ZMYM5: variants seen among roughly 807,000 people sequenced by gnomAD.
ZMYM5 encodes the protein zinc finger MYM-type protein 5.
In ZMYM5, 41 loss-of-function variants were observed where a neutral mutation model predicts 61.8. That is an observed-to-expected ratio of 0.66 (90% CI 0.52 to 0.86). The LOEUF is 0.86. Among genes scored for constraint, ZMYM5 ranks in the 40% least tolerant of loss-of-function variants. ZMYM5 has a pLI of 0.00. For missense variants in ZMYM5, 706 were observed against 786.7 expected, an observed-to-expected ratio of 0.90 and a Z score of 1.23; for synonymous variants, 257 against 276.4, an observed-to-expected ratio of 0.93 and a Z score of 0.70.
At chr13:19,838,643 CTTAT>C in intron 5 of ZMYM5, 53 bp downstream of exon 5, 1 of 1,578,890 alleles carries the variant, frequency 6.3e-7, no homozygotes, top group Non-Finnish European at 8.7e-7. Flanking sequence ...ATATTGAGTA[CTTAT>C]TTATACCATT....
chr13:19,837,677 T>C lies in ZMYM5; in HGVS notation c.1017A>G (p.Thr339=). ...KKGVFNKSRC[T]ICSKLAEIRH... ...AGACCTCTGCTAATTTACTACAAAT[T>C]GTACATCTTGACTTATTAAAAACTC... The change falls in exon 6 of 8, where the codon ACA becomes ACG. Residue 339 remains threonine, a synonymous_variant. Coordinates refer to ENST00000337963, the MANE Select transcript of ZMYM5 (RefSeq NM_001142684.2). The C allele has an allele frequency of 3.8e-6, 6 of 1,585,414 alleles. No homozygotes were observed. The highest frequency in any genetic ancestry group is 5.1e-6 in the Non-Finnish European group (6 of 1,172,838).
rs758954600 is a variant in ZMYM5, at chr13:19,824,819, C to T, written c.1668G>A (p.Gly556=). ...RNFNFPKDNT[G]RKFSETYYTR... ...TATAATAAGTTTCTGAAAACTTCCT[C>T]CCTGTATTATCTTTTGGAAAGTTAA... Residue 556 remains glycine, a synonymous_variant, in exon 8 of 8, where the codon GGG becomes GGA. Transcript: ENST00000337963. 2.2e-6 allele frequency: 3 copies of T among 1,351,944 alleles called. No homozygotes were observed. The highest frequency in any genetic ancestry group is 3.0e-6 in the Non-Finnish European group (3 of 1,013,004). 83.7% of individuals were successfully genotyped at this position (1,351,944 alleles called of 1,614,324 possible).
chr13:19,833,213 C>T (rs7995679), intron 7 of ZMYM5, among the ~76,000 whole-genome samples: 104,578 of 152,064 alleles, frequency 0.69, 38,658 homozygotes, highest in East Asian at 0.89. Context: ...CCTAGCAATT[C>T]AGGGTTACTT....
chr13:19,844,127 G>GAC (rs1484949123), intron 4 of ZMYM5, among the ~76,000 whole-genome samples: 4 of 141,178 alleles, frequency 2.8e-5, no homozygotes, highest in Admixed American at 1.4e-4. Flanking sequence ...GACAGAGTGA[G>GAC]ACTCCGTCTC....
chr13:19,854,623 G>A (rs1251084153), intron 2 of ZMYM5, among the ~76,000 whole-genome samples: 4 of 61,292 alleles, frequency 6.5e-5, no homozygotes, highest in African/African-American at 1.8e-4. Flanking sequence ...ATAAGACTTC[G>A]TCTCAAAAAA....
rs7999163 is a variant in ZMYM5 at position 19,829,739 on chromosome 13, T to C, written c.1252-4504A>G. Reference sequence around the variant, plus strand: ...TCTTTCTAGTAGCTAGTATTGTAGGTGCACACCACCATGCCCAGCACTTAC... The same window carrying C: ...TCTTTCTAGTAGCTAGTATTGTAGGCGCACACCACCATGCCCAGCACTTAC... On this transcript the variant is annotated intron_variant, in intron 7 of 7. Coordinates refer to ENST00000337963, the MANE Select transcript of ZMYM5 (RefSeq NM_001142684.2). 6.8e-3 allele frequency among the ~76,000 whole-genome samples: 1,035 copies of C among 152,290 alleles called. 7 individuals are homozygous for C. The highest frequency in any genetic ancestry group is 0.024 in the African/African-American group (978 of 41,550).
rs888980040 is a variant in ZMYM5 at position 19,823,600 on chromosome 13, A to G, written c.*877T>C. On this transcript the variant is annotated 3_prime_UTR_variant, in exon 8 of 8. Transcript: ENST00000337963. ...ATTTACAAATTAAAATAAACATAAA[A>G]CCAATAAAATGGAAATTAACCATCA... The G allele has an allele frequency of 2.0e-5, 3 of 152,176 alleles. No homozygotes were observed. The highest frequency in any genetic ancestry group is 4.4e-5 in the Non-Finnish European group (3 of 68,046). 9.4% of individuals were successfully genotyped at this position (152,176 alleles called of 1,614,324 possible).
intron 4 of ZMYM5, 38 bp downstream of exon 4, chr13:19,851,317 A>C (rs775067348): frequency 6.5e-7 from 1 of 1,545,834 alleles, no homozygotes; most frequent in South Asian, 1.1e-5. Context: ...CCAAAGGCTT[A>C]TTTACTTGAG....
At chr13:19,829,521 G>A (rs529006038) in intron 7 of ZMYM5, among the ~76,000 whole-genome samples, 4 of 152,168 alleles carry the variant, frequency 2.6e-5, no homozygotes, top group African/African-American at 9.6e-5. Flanking sequence ...GAACTCCTGG[G>A]CTCAAGCAAT....
chr13:19,852,221 C>A, intron 2 of ZMYM5, 31 bp from the exon 3 acceptor site: 2 of 1,502,322 alleles, frequency 1.3e-6, no homozygotes, highest in Non-Finnish European at 1.8e-6. Flanking sequence ...AAAAAAAGTT[C>A]TAGTATGTTA....
chr13:19,859,139 A>T (rs56675476), intron 2 of ZMYM5, among the ~76,000 whole-genome samples: 12,569 of 152,060 alleles, frequency 0.083, 558 homozygotes, highest in Middle Eastern at 0.13. Flanking sequence ...TCTCAAAAAA[A>T]AAAATGTCCC....
chr13:19,852,347 G>C (rs917362802), intron 2 of ZMYM5, among the ~76,000 whole-genome samples, 157 bp from the exon 3 acceptor site: 5 of 152,100 alleles, frequency 3.3e-5, no homozygotes, highest in Non-Finnish European at 7.3e-5. Context: ...TTACTTCAGA[G>C]CTTGATGGAA....
chr13:19,852,829 G>C (rs532157749), intron 2 of ZMYM5, among the ~76,000 whole-genome samples: 9 of 152,298 alleles, frequency 5.9e-5, no homozygotes, highest in African/African-American at 2.2e-4. Flanking sequence ...CTGGGAGTAA[G>C]ACTTAAACTC....
rs765659781 is a variant in ZMYM5, at chr13:19,824,799, T to C, written c.1688A>G (p.Tyr563Cys). Reference sequence around the variant, plus strand: ...ACCATTTGGAAGAATCCGTGTATAATAAGTTTCTGAAAACTTCCTCCCTGT... The same window carrying C: ...ACCATTTGGAAGAATCCGTGTATAACAAGTTTCTGAAAACTTCCTCCCTGT... ...DNTGRKFSET[Y>C]YTRILPNGEK... Residue 563 changes from tyrosine (Y) to cysteine (C), a missense_variant, in exon 8 of 8, where the codon TAT becomes TGT. Physicochemically the swap from Tyr to Cys is radical, Grantham distance 194 (BLOSUM62 -2). Transcript: ENST00000337963. 7.4e-7 allele frequency: 1 copy of C among 1,354,346 alleles called. No homozygotes were observed. The highest frequency in any genetic ancestry group is 9.9e-7 in the Non-Finnish European group (1 of 1,014,450). The allele number at this position is 1,354,346 out of a possible 1,614,324, so 83.9% of individuals were successfully genotyped here. A position where few individuals can be genotyped will look rare whatever the true frequency, so the allele number is the denominator to read the frequency against.
intron 7 of ZMYM5, among the ~76,000 whole-genome samples, chr13:19,830,595 A>G (rs9579707): frequency 0.098 from 14,915 of 151,788 alleles, 850 homozygotes; most frequent in African/African-American, 0.16. Context: ...GTGCAGTGGC[A>G]CCATCTTGGC....
At chr13:19,829,138 A>G (rs1891076097) in intron 7 of ZMYM5, among the ~76,000 whole-genome samples, 1 of 152,118 alleles carries the variant, frequency 6.6e-6, no homozygotes, top group Non-Finnish European at 1.5e-5. Context: ...AACCAGATAC[A>G]TTTAGTATAA....
At chr13:19,834,891 G>A (rs2138508494) in intron 7 of ZMYM5, among the ~76,000 whole-genome samples, 1 of 151,866 alleles carries the variant, frequency 6.6e-6, no homozygotes, top group African/African-American at 2.4e-5. Context: ...GTTTTGTCAT[G>A]TTGCCCAGTC....
At chr13:19,854,943 T>G (rs1195381984) in intron 2 of ZMYM5, among the ~76,000 whole-genome samples, 1 of 152,222 alleles carries the variant, frequency 6.6e-6, no homozygotes, top group African/African-American at 2.4e-5. Flanking sequence ...AAATTACTTA[T>G]CTTTTATTAA....
At position 19,834,036 on chromosome 13, in the gene ZMYM5, G is replaced by A. The variant is rs529612894; in HGVS notation, c.1251+1441C>T. Reference sequence around the variant, plus strand: ...TTGCTGCCCAGGCTGGAGCGCAATGGCGCAATCTCCGCTCACTGCAACCTC... The same window carrying A: ...TTGCTGCCCAGGCTGGAGCGCAATGACGCAATCTCCGCTCACTGCAACCTC... On this transcript the variant is annotated intron_variant, in intron 7 of 7. Transcript: ENST00000337963. 4.9e-4 allele frequency among the ~76,000 whole-genome samples: 74 copies of A among 152,332 alleles called. 1 individual carries two copies. Among genetic ancestry groups the A allele is most frequent in the African/African-American group, 1.6e-3 (65 of 41,566 alleles).
Sources: gnomAD v4.1 joint callset for allele counts (sites outside exome capture counted in the v4.1 genomes callset) on GRCh38, gnomAD v4.1.1 for gene constraint, MANE v1.5 for transcripts, NCBI Gene and HGNC (gene_info 2026-07-23, HGNC 2026-07-21) for gene names.